NRXN1: variants seen among roughly 807,000 people sequenced by gnomAD.
The protein encoded by NRXN1 is neurexin 1.
A neutral mutation model predicts 150.9 loss-of-function variants in NRXN1; 39 were observed. The ratio of observed to expected loss-of-function variants is 0.26; its 90% confidence interval spans 0.20 to 0.34. NRXN1 has a LOEUF of 0.34. Ranked by LOEUF, NRXN1 falls within the 10% of genes least tolerant of loss-of-function variation. The probability of loss-of-function intolerance (pLI) is 1.00; values close to 1 mark genes in which losing one functional copy is unlikely to be tolerated. For synonymous variants in NRXN1, 924 were observed against 757.0 expected, an observed-to-expected ratio of 1.22 and a Z score of -3.62; for missense variants, 1,815 against 1,949.9, an observed-to-expected ratio of 0.93 and a Z score of 1.30.
intron 8 of NRXN1, among the ~76,000 whole-genome samples, chr2:50,612,806 T>A (rs73933003): frequency 2.6e-5 from 4 of 152,154 alleles, no homozygotes; most frequent in African/African-American, 7.2e-5. Flanking sequence ...TGAGGTCTCA[T>A]GAGTTCTCAT....
intron 5 of NRXN1, among the ~76,000 whole-genome samples, chr2:50,765,796 T>C (rs1702317101): frequency 6.6e-6 from 1 of 152,028 alleles, no homozygotes; most frequent in Non-Finnish European, 1.5e-5. Context: ...GAGTCAGCAT[T>C]TTTTGAAGCT....
chr2:50,482,928 G>C (rs2104799070), intron 15 of NRXN1, among the ~76,000 whole-genome samples: 1 of 151,802 alleles, frequency 6.6e-6, no homozygotes, highest in Admixed American at 6.6e-5. Flanking sequence ...GCATGCGTCT[G>C]TAGTCCCAGC....
At position 50,858,673 on chromosome 2, in the gene NRXN1, AAACATCTGAAATTT is replaced by A. The variant is rs533654469; in HGVS notation, c.832+63182_832+63195del. Among the ~76,000 whole-genome samples the A allele has an allele frequency of 9.9e-5, 15 of 152,282 alleles. No homozygotes were observed. In the East Asian group the frequency reaches 2.7e-3, roughly 28 times the overall value. On this transcript the variant is annotated intron_variant, in intron 5 of 22. Transcript: ENST00000401669. ...TCAGTCATACTATGCAGACTACTTT[AAACATCTGAAATTT>A]AACATCTGAAATTTAAACATCTGAA...
chr2:49,923,704 T>A (rs1426709407), intron 22 of NRXN1, among the ~76,000 whole-genome samples: 1 of 152,186 alleles, frequency 6.6e-6, no homozygotes, highest in Non-Finnish European at 1.5e-5. Flanking sequence ...ATCACCAATA[T>A]TTCTTTTGCC....
At chr2:50,452,326 G>C (rs1258917031) in intron 17 of NRXN1, among the ~76,000 whole-genome samples, 5 of 152,136 alleles carry the variant, frequency 3.3e-5, no homozygotes, top group African/African-American at 4.8e-5. Flanking sequence ...TTAAACATAA[G>C]TAAAAATAGG....
chr2:50,178,525 T>C (rs1283917574), intron 18 of NRXN1, among the ~76,000 whole-genome samples: 6 of 152,042 alleles, frequency 3.9e-5, no homozygotes, highest in African/African-American at 9.7e-5. Flanking sequence ...GGAAACAATA[T>C]TCTATTCTCT....
At chr2:51,004,011 T>C (rs1295005686) in intron 2 of NRXN1, among the ~76,000 whole-genome samples, 3 of 151,844 alleles carry the variant, frequency 2.0e-5, no homozygotes, top group Non-Finnish European at 4.4e-5. Flanking sequence ...ATCCTGGATG[T>C]ACCCTCACTT....
intron 5 of NRXN1, among the ~76,000 whole-genome samples, chr2:50,818,469 T>C (rs915215386): frequency 5.3e-5 from 8 of 151,982 alleles, no homozygotes; most frequent in African/African-American, 1.9e-4. Flanking sequence ...TTTTTTATTG[T>C]ATATATCCAT....
chr2:50,784,982 T>G (rs1704878436), intron 5 of NRXN1, among the ~76,000 whole-genome samples: 2 of 152,060 alleles, frequency 1.3e-5, no homozygotes, highest in Non-Finnish European at 2.9e-5. Context: ...TGTGACTGTT[T>G]TTGGAGACTG....
chr2:51,004,859 G>C (rs1413452371), intron 2 of NRXN1, among the ~76,000 whole-genome samples: 1 of 151,878 alleles, frequency 6.6e-6, no homozygotes, highest in East Asian at 1.9e-4. Flanking sequence ...AGTGTGCTTA[G>C]TAAGCACTGA....
chr2:50,808,718 C>A (rs577681892), intron 5 of NRXN1, among the ~76,000 whole-genome samples: 3 of 152,054 alleles, frequency 2.0e-5, no homozygotes, highest in Non-Finnish European at 4.4e-5. Flanking sequence ...CAGTATATAA[C>A]CTATAGTTCA....
At chr2:51,023,319 A>C (rs1669918178) in intron 2 of NRXN1, among the ~76,000 whole-genome samples, 1 of 152,144 alleles carries the variant, frequency 6.6e-6, no homozygotes, top group Admixed American at 6.5e-5. Flanking sequence ...GTAAAGACAA[A>C]AATACTTGAC....
intron 5 of NRXN1, among the ~76,000 whole-genome samples, chr2:50,790,978 C>A (rs1705861251): frequency 6.6e-6 from 1 of 151,866 alleles, no homozygotes; most frequent in East Asian, 1.9e-4. Flanking sequence ...TAGGGATGCT[C>A]AACCTGTACT....
rs750683812 is a variant in NRXN1, at chr2:50,553,023, A to G, written c.1323T>C (p.Val441=). 34 of 1,603,780 alleles carry G rather than the reference A, an allele frequency of 2.1e-5. No homozygotes were observed. In the South Asian group the frequency reaches 3.4e-4, roughly 16 times the overall value. Residue 441 remains valine (V), a splice_region_variant and synonymous_variant, in exon 9 of 23, where the codon GTT becomes GTC. Transcript: ENST00000401669. Reference sequence around the variant, plus strand: ...GCCTCACATCATTATTTTTATATACAACCTGTGGGCAGAGGATAGCAGTGA... The same window carrying G: ...GCCTCACATCATTATTTTTATATACGACCTGTGGGCAGAGGATAGCAGTGA... The part of the protein sequence containing the change: ...SNNFMGCLKE[V]VYKNNDVRLE...
At chr2:50,253,935 A>C (rs1405033741) in intron 17 of NRXN1, among the ~76,000 whole-genome samples, 3 of 150,532 alleles carry the variant, frequency 2.0e-5, no homozygotes, top group African/African-American at 7.5e-5. Flanking sequence ...CCATAAAATG[A>C]GTTAGGGAGA....
chr2:50,116,022 T>C (rs762320769), intron 18 of NRXN1, among the ~76,000 whole-genome samples: 2 of 152,256 alleles, frequency 1.3e-5, no homozygotes, highest in East Asian at 3.9e-4. Context: ...TCTAAATATG[T>C]CTGAAGACAT....
chr2:50,372,517 T>A (rs902561934), intron 17 of NRXN1, among the ~76,000 whole-genome samples: 6 of 152,048 alleles, frequency 3.9e-5, no homozygotes, highest in Non-Finnish European at 8.8e-5. Flanking sequence ...GCACTTTTAT[T>A]TAGATGAATA....
chr2:50,921,937 A>C, intron 4 of NRXN1, 57 bp from the exon 5 acceptor site: 2 of 1,078,070 alleles, frequency 1.9e-6, no homozygotes, highest in African/African-American at 1.6e-5. Flanking sequence ...AAGAGGATAA[A>C]GAGGAGAAAA....
At chr2:50,085,702 G>T (rs1698686365) in intron 19 of NRXN1, among the ~76,000 whole-genome samples, 1 of 151,714 alleles carries the variant, frequency 6.6e-6, no homozygotes, top group Non-Finnish European at 1.5e-5. Context: ...AAATTCTATG[G>T]TTATTATAAG....
Sources: gnomAD v4.1 joint callset for allele counts (sites outside exome capture counted in the v4.1 genomes callset) on GRCh38, gnomAD v4.1.1 for gene constraint, MANE v1.5 for transcripts, NCBI Gene and HGNC (gene_info 2026-07-23, HGNC 2026-07-21) for gene names.